GAS7: variants seen among roughly 807,000 people sequenced by gnomAD.
GAS7 encodes the protein growth arrest specific 7.
In GAS7, 28 loss-of-function variants were observed where a neutral mutation model predicts 71.1. That is an observed-to-expected ratio of 0.39 (90% CI 0.29 to 0.54). GAS7 has a LOEUF of 0.54. GAS7 is among the 20% of genes least tolerant of loss of function. The probability of loss-of-function intolerance (pLI) is 0.62; values close to 1 mark genes in which losing one functional copy is unlikely to be tolerated. For synonymous variants in GAS7, 258 were observed against 245.8 expected (o/e 1.05, Z -0.46); for missense variants, 436 against 627.8 (o/e 0.69, Z 3.27).
chr17:10,039,975 T>C (rs114579409), intron 1 of GAS7, among the ~76,000 whole-genome samples: 7,243 of 152,212 alleles, frequency 0.048, 550 homozygotes, highest in African/African-American at 0.16. Flanking sequence ...CTAAAGTTAC[T>C]GACGTGGCTG....
chr17:9,952,078 C>T (rs1050720278), intron 5 of GAS7, among the ~76,000 whole-genome samples: 2 of 152,190 alleles, frequency 1.3e-5, no homozygotes, highest in Non-Finnish European at 2.9e-5. Context: ...CACCTAAGTA[C>T]CACTCAGTCC....
Position 9,913,618 on chromosome 17 carries a change from C to G in GAS7, c.*3610G>C, listed in dbSNP as rs182925045. 17 of 230,714 alleles carry G rather than the reference C, an allele frequency of 7.4e-5. No individual in the cohort carries two copies. The Admixed American group carries it at 9.6e-4, about 13-fold the overall frequency. The allele number at this position is 230,714 out of a possible 1,614,324, so 14.3% of individuals were successfully genotyped here. ...TGACTAGCAGAGCACTGCCTCCCAC[C>G]GCAGAAATTCTCCTTGGCCAACAGG... On this transcript the variant is annotated 3_prime_UTR_variant, in exon 14 of 14. Coordinates refer to ENST00000432992, the MANE Select transcript of GAS7 (RefSeq NM_201433.2).
rs372529115 is a variant in GAS7, at chr17:10,055,618, G to A, written c.184-35721C>T. On this transcript the variant is annotated intron_variant, in intron 1 of 13. Transcript: ENST00000432992. The stretch of plus-strand genomic sequence containing the variant: ...CAAGGAAATCAGCAGCCATCTCCCG[G>A]AGACAGTCCAGGCCCATTCAGCCAC... 2.0e-4 allele frequency among the ~76,000 whole-genome samples: 31 copies of A among 152,214 alleles called. 1 individual carries two copies. The highest frequency in any genetic ancestry group is 2.0e-3 in the Admixed American group (30 of 15,282).
At chr17:10,115,898 G>GTGGA (rs2073856927) in intron 1 of GAS7, among the ~76,000 whole-genome samples, 1 of 152,182 alleles carries the variant, frequency 6.6e-6, no homozygotes, top group Non-Finnish European at 1.5e-5. Flanking sequence ...GGGGGTGGCA[G>GTGGA]TGGAGAGAAG....
intron 2 of GAS7, among the ~76,000 whole-genome samples, chr17:10,010,161 C>CT (rs2071710703): frequency 6.8e-6 from 1 of 147,674 alleles, no homozygotes; most frequent in South Asian, 2.1e-4. Flanking sequence ...TTTTTTCTTT[C>CT]TTTTTTGGGG....
chr17:10,196,215 C>T (rs773089587), intron 1 of GAS7, among the ~76,000 whole-genome samples: 9 of 152,274 alleles, frequency 5.9e-5, no homozygotes, highest in Admixed American at 6.5e-5. Context: ...AAGGCACAGG[C>T]GCAGGGGGTG....
intron 1 of GAS7, among the ~76,000 whole-genome samples, chr17:10,174,800 C>G (rs139904821): frequency 1.3e-5 from 2 of 152,192 alleles, no homozygotes; most frequent in Non-Finnish European, 1.5e-5. Context: ...AGACACGTGC[C>G]AGTGCCTTCA....
intron 2 of GAS7, among the ~76,000 whole-genome samples, chr17:9,984,301 G>T (rs1254417380): frequency 6.6e-6 from 1 of 152,034 alleles, no homozygotes; most frequent in Non-Finnish European, 1.5e-5. Context: ...CAATACTCCC[G>T]CTCTCTAGGT....
chr17:10,155,267 C>T (rs1380825780), intron 1 of GAS7, among the ~76,000 whole-genome samples: 8 of 152,106 alleles, frequency 5.3e-5, no homozygotes, highest in Non-Finnish European at 7.4e-5. Context: ...CCACCCATCT[C>T]GGCCTCCCAA....
chr17:10,070,629 G>T (rs1597772451), intron 1 of GAS7, among the ~76,000 whole-genome samples: 1 of 152,234 alleles, frequency 6.6e-6, no homozygotes, highest in South Asian at 2.1e-4. Flanking sequence ...CTCCCAAAGT[G>T]CTGGGATCAC....
intron 3 of GAS7, among the ~76,000 whole-genome samples, chr17:9,976,072 T>C (rs2070190988): frequency 6.6e-6 from 1 of 152,198 alleles, no homozygotes. Context: ...GGGGAGCAGT[T>C]TTACATAAAT....
intron 2 of GAS7, among the ~76,000 whole-genome samples, chr17:10,006,682 AT>A (rs368337032): frequency 0.21 from 31,370 of 151,186 alleles, 5,292 homozygotes; most frequent in African/African-American, 0.47. Context: ...GTGCATGCGT[AT>A]TTTTTTTTAA....
intron 2 of GAS7, among the ~76,000 whole-genome samples, chr17:9,987,698 C>T (rs1160286322): frequency 6.6e-6 from 1 of 152,228 alleles, no homozygotes; most frequent in East Asian, 1.9e-4. Context: ...CTATGTAAAT[C>T]TGAGTTTCAA....
rs554159696 is a variant in GAS7 at position 9,935,514 on chromosome 17, C to T, written c.807-1270G>A. On this transcript the variant is annotated intron_variant, in intron 8 of 13. Transcript: ENST00000432992. ...ACTTAATATCATCCAAAAGCCACTT[C>T]CCCCAGAGAATTCATTAAAGTCGAG... 5.3e-5 allele frequency among the ~76,000 whole-genome samples: 8 copies of T among 152,326 alleles called. No individual in the cohort carries two copies. The East Asian group carries it at 1.2e-3, about 22-fold the overall frequency.
At chr17:9,923,967 TG>T (rs1207731785) in intron 11 of GAS7, among the ~76,000 whole-genome samples, 1 of 152,184 alleles carries the variant, frequency 6.6e-6, no homozygotes, top group East Asian at 1.9e-4. Context: ...CATGAATGGA[TG>T]GGCAAAAAGA....
chr17:10,016,381 T>C (rs552947741), intron 2 of GAS7, among the ~76,000 whole-genome samples: 2 of 98,172 alleles, frequency 2.0e-5, no homozygotes, highest in South Asian at 6.2e-4. Context: ...CGAGACTCCG[T>C]CTCAAAAAAA....
At chr17:10,169,535 G>A (rs1014779748) in intron 1 of GAS7, among the ~76,000 whole-genome samples, 1 of 152,146 alleles carries the variant, frequency 6.6e-6, no homozygotes, top group Non-Finnish European at 1.5e-5. Context: ...CATTCCTTGA[G>A]AGCTGCAGAT....
intron 1 of GAS7, among the ~76,000 whole-genome samples, chr17:10,159,786 CTTT>C (rs71139021): frequency 7.4e-6 from 1 of 134,512 alleles, no homozygotes; most frequent in Non-Finnish European, 1.6e-5. Context: ...GAAGTGTGAC[CTTT>C]TTTTTTTTTT....
chr17:9,989,140 C>T (rs992257393), intron 2 of GAS7, among the ~76,000 whole-genome samples: 2 of 152,058 alleles, frequency 1.3e-5, no homozygotes, highest in African/African-American at 4.8e-5. Flanking sequence ...CGGCCCATTT[C>T]CACTTTTAAT....
Sources: allele counts gnomAD v4.1 joint callset (sites outside exome capture counted in the v4.1 genomes callset), GRCh38; gene constraint gnomAD v4.1.1; transcripts MANE v1.5; gene names NCBI Gene and HGNC (gene_info 2026-07-23, HGNC 2026-07-21).